Variants in RSAD2 observed in about 807,000 individuals in gnomAD.
RSAD2 encodes the protein S-adenosylmethionine-dependent nucleotide dehydratase RSAD2.
RSAD2 carries 38 observed loss-of-function variants against 37.7 expected under a neutral mutation model. That is an observed-to-expected ratio of 1.01 (90% CI 0.78 to 1.32). The LOEUF (loss-of-function observed/expected upper bound fraction) is 1.32. Ranked by LOEUF, RSAD2 falls within the 40% of genes most tolerant of loss-of-function variation. RSAD2 has a pLI of 0.00. For missense variants in RSAD2, 428 were observed against 437.5 expected, an observed-to-expected ratio of 0.98 and a Z score of 0.19; for synonymous variants, 163 against 157.4, an observed-to-expected ratio of 1.04 and a Z score of -0.27.
At chr2:6,883,691 C>CGGCATTAT in intron 2 of RSAD2, 159 bp downstream of exon 2, 1 of 801,906 alleles carries the variant, frequency 1.2e-6, no homozygotes, top group East Asian at 2.7e-5. Flanking sequence ...AAGCTGTGCA[C>CGGCATTAT]GGCATTATGG....
chr2:6,881,821 C>A (rs1427789440), intron 1 of RSAD2, among the ~76,000 whole-genome samples: 1 of 151,002 alleles, frequency 6.6e-6, no homozygotes, highest in Non-Finnish European at 1.5e-5. Context: ...GTATAACGCA[C>A]AAGCCCATCC....
chr2:6,874,934 G>A (rs1663258104), upstream of RSAD2, among the ~76,000 whole-genome samples: 1 of 152,152 alleles, frequency 6.6e-6, no homozygotes, highest in South Asian at 2.1e-4. Context: ...TGATTGAAAA[G>A]TCATATTTAA....
In RSAD2 at chr2:6,878,855, A is replaced by G. The variant is rs931103364; in HGVS notation, c.346+709A>G. ...AACTAGTAACTTCAGCAACATCTCTAGCTTCTTTCCCTCCTTGTTTAACTT... is the reference window on the plus strand; with the variant it reads ...AACTAGTAACTTCAGCAACATCTCTGGCTTCTTTCCCTCCTTGTTTAACTT... On this transcript the variant is annotated intron_variant, in intron 1 of 5. Coordinates refer to ENST00000382040, the MANE Select transcript of RSAD2 (RefSeq NM_080657.5). 25 of 1,227,970 alleles carry G rather than the reference A, an allele frequency of 2.0e-5. 1 individual carries two copies. The South Asian group carries it at 3.3e-4, about 16-fold the overall frequency. 76.1% of individuals were successfully genotyped at this position (1,227,970 alleles called of 1,614,324 possible). A position where few individuals can be genotyped will look rare whatever the true frequency, so the allele number is the denominator to read the frequency against.
At chr2:6,883,695 A>G (rs1260321124) in intron 2 of RSAD2, 163 bp downstream of exon 2, 1 of 768,604 alleles carries the variant, frequency 1.3e-6, no homozygotes, top group Non-Finnish European at 2.0e-6. Context: ...TGTGCACGGC[A>G]TTATGGCAGT....
At chr2:6,877,690 A>C, upstream of RSAD2, 1 of 754,518 alleles carries the variant, frequency 1.3e-6, no homozygotes, top group South Asian at 1.9e-5. Flanking sequence ...TAGTCAAAGA[A>C]GGTGTGTCCT....
intron 3 of RSAD2, among the ~76,000 whole-genome samples, chr2:6,889,596 T>A (rs891988833): frequency 6.6e-6 from 1 of 152,210 alleles, no homozygotes; most frequent in East Asian, 1.9e-4. Flanking sequence ...TCTCTTCACT[T>A]CTTGCCTTTT....
intron 4 of RSAD2, among the ~76,000 whole-genome samples, chr2:6,891,715 G>A (rs1034215994): frequency 3.4e-4 from 52 of 152,224 alleles, no homozygotes; most frequent in African/African-American, 1.2e-3. Flanking sequence ...TGCAATGAGC[G>A]GAGATCGCTC....
At chr2:6,871,466 C>T (rs77888019) in intron 1 of RSAD2, among the ~76,000 whole-genome samples, 1,640 of 152,356 alleles carry the variant, frequency 0.011, 33 homozygotes, top group African/African-American at 0.038. Context: ...CACACGCAGA[C>T]TCCTTGTTGA....
intron 2 of RSAD2, among the ~76,000 whole-genome samples, chr2:6,886,458 A>C (rs765042622): frequency 6.6e-6 from 1 of 152,246 alleles, no homozygotes; most frequent in Non-Finnish European, 1.5e-5. Context: ...TTAGATGATG[A>C]GACAACTGTC....
At chr2:6,879,794 T>G (rs1277403523) in intron 1 of RSAD2, among the ~76,000 whole-genome samples, 5 of 152,144 alleles carry the variant, frequency 3.3e-5, no homozygotes, top group African/African-American at 4.8e-5. Flanking sequence ...AAGAAATGTT[T>G]TAGATAAATG....
chr2:6,883,231 G>A, intron 1 of RSAD2, 140 bp from the exon 2 acceptor site: 1 of 853,810 alleles, frequency 1.2e-6, no homozygotes, highest in Non-Finnish European at 1.8e-6. Context: ...TGGGATTGGT[G>A]TTGGGAACTA....
intron 4 of RSAD2, among the ~76,000 whole-genome samples, chr2:6,890,631 A>G (rs1233821429): frequency 6.6e-6 from 1 of 152,212 alleles, no homozygotes. Context: ...TATAAGTATA[A>G]TGTCCCTATG....
Position 6,896,180 on chromosome 2 carries a change from C to A in RSAD2, c.*238C>A. The A allele has an allele frequency of 2.4e-6, 1 of 410,008 alleles. No individual in the cohort carries two copies. The highest frequency in any genetic ancestry group is 4.4e-6 in the Non-Finnish European group (1 of 229,270). 25.4% of individuals were successfully genotyped at this position (410,008 alleles called of 1,614,324 possible). On this transcript the variant is annotated 3_prime_UTR_variant, in exon 6 of 6. Transcript: ENST00000382040. ...GCTTATAACCTTGTTGTTATTGAAA[C>A]AGCACTTCTGTTTTTGAGTTTGTTT... is the stretch of plus-strand genomic sequence containing the variant.
upstream of RSAD2, chr2:6,876,891 A>C (rs995262378): frequency 1.3e-5 from 2 of 152,212 alleles, no homozygotes; most frequent in South Asian, 4.1e-4. Context: ...TCGCTTACTC[A>C]GTCACCCAGC....
At chr2:6,866,442 C>T in intron 1 of RSAD2, 1 of 985,636 alleles carries the variant, frequency 1.0e-6, no homozygotes, top group Non-Finnish European at 1.2e-6. Flanking sequence ...ACAAGCTTTT[C>T]CCTCTTCTTG....
intron 1 of RSAD2, among the ~76,000 whole-genome samples, chr2:6,869,869 C>T (rs1663173118): frequency 6.6e-6 from 1 of 152,202 alleles, no homozygotes; most frequent in Admixed American, 6.5e-5. Flanking sequence ...CATTTGCTGA[C>T]TAGAGGTCAC....
At position 6,885,403 on chromosome 2, in the gene RSAD2, G is replaced by A. The variant is rs570501676; in HGVS notation, c.509-1532G>A. Among the ~76,000 whole-genome samples the A allele has an allele frequency of 2.0e-5, 3 of 152,268 alleles. No individual in the cohort carries two copies. In the South Asian group the frequency reaches 6.2e-4, roughly 32 times the overall value. On this transcript the variant is annotated intron_variant, in intron 2 of 5. Transcript: ENST00000382040. ...CCAACAACGCAACCAAGGAAATCAT[G>A]GATCTTGTTAAACAATCCTGAGAAG... is the stretch of plus-strand genomic sequence containing the variant.
chr2:6,874,659 CTT>C (rs1427422906), upstream of RSAD2, among the ~76,000 whole-genome samples: 1 of 145,776 alleles, frequency 6.9e-6, no homozygotes, highest in African/African-American at 2.6e-5. Context: ...AACTTTATGA[CTT>C]TTATTTAAAA....
chr2:6,866,995 A>G (rs1366926199), intron 1 of RSAD2, among the ~76,000 whole-genome samples: 1 of 152,244 alleles, frequency 6.6e-6, no homozygotes, highest in Admixed American at 6.5e-5. Context: ...AGAATAGAAT[A>G]GTTTTTATTC....
Sources: gnomAD v4.1 joint callset for allele counts (sites outside exome capture counted in the v4.1 genomes callset) on GRCh38, gnomAD v4.1.1 for gene constraint, MANE v1.5 for transcripts, NCBI Gene and HGNC (gene_info 2026-07-23, HGNC 2026-07-21) for gene names.